CHRNB4: variants seen among roughly 807,000 people sequenced by gnomAD.
CHRNB4 encodes the protein cholinergic receptor nicotinic beta 4 subunit.
CHRNB4 carries 23 observed loss-of-function variants against 40.4 expected under a neutral mutation model. The ratio of observed to expected loss-of-function variants is 0.57; its 90% CI spans 0.41 to 0.81. The LOEUF (loss-of-function observed/expected upper bound fraction) is 0.81, where lower values mean the gene tolerates loss of function less well. Ranked by LOEUF, CHRNB4 falls within the 30% of genes least tolerant of loss-of-function variation. The probability of loss-of-function intolerance (pLI) is 0.00; values close to 1 mark genes in which losing one functional copy is unlikely to be tolerated. For missense variants in CHRNB4, 568 were observed against 670.6 expected (o/e 0.85, Z 1.69); for synonymous variants, 285 against 274.4 (o/e 1.04, Z -0.38).
exon 4 of CHRNB4, chr15:78,656,391 C>G (rs1596126409): frequency 6.7e-6 from 1 of 148,992 alleles, no homozygotes; most frequent in East Asian, 2.0e-4. Context: ...AGTAGGGTGA[C>G]TAGGGTTAAA....
chr15:78,639,146 T>G (rs1286556751), intron 1 of CHRNB4, among the ~76,000 whole-genome samples: 1 of 152,254 alleles, frequency 6.6e-6, no homozygotes, highest in Non-Finnish European at 1.5e-5. Context: ...ATATACCTAT[T>G]GTTTTGGAAT....
chr15:78,643,801 A>G (rs1413191917), upstream of CHRNB4, among the ~76,000 whole-genome samples: 1 of 152,148 alleles, frequency 6.6e-6, no homozygotes, highest in Non-Finnish European at 1.5e-5. Flanking sequence ...AAAAAAGAAA[A>G]AACCTATTAG....
At chr15:78,656,715 T>A (rs935946312) in intron 3 of CHRNB4, 5 of 152,206 alleles carry the variant, frequency 3.3e-5, no homozygotes, top group African/African-American at 1.2e-4. Flanking sequence ...GAATGACTAA[T>A]AAGACTCCAG....
At chr15:78,638,340 T>G (rs1159556957) in intron 1 of CHRNB4, among the ~76,000 whole-genome samples, 1 of 152,144 alleles carries the variant, frequency 6.6e-6, no homozygotes, top group Non-Finnish European at 1.5e-5. Context: ...GAGTTAGAGG[T>G]TCCCAGAACT....
chr15:78,630,044 C>A, intron 4 of CHRNB4, 99 bp from the exon 5 acceptor site: 2 of 1,322,328 alleles, frequency 1.5e-6, no homozygotes. Context: ...TTATTTCCCA[C>A]TAATCACCCT....
At chr15:78,633,279 C>A (rs2053873632) in intron 2 of CHRNB4, among the ~76,000 whole-genome samples, 1 of 152,168 alleles carries the variant, frequency 6.6e-6, no homozygotes, top group Admixed American at 6.5e-5. Flanking sequence ...AACAGTGATC[C>A]AGAGTAACAC....
At position 78,629,847 on chromosome 15, in the gene CHRNB4, C is replaced by T. The variant is rs1385237416; in HGVS notation, c.458G>A (p.Cys153Tyr). The T allele has an allele frequency of 2.5e-6, 4 of 1,614,072 alleles. No homozygotes were observed. Among genetic ancestry groups the T allele is most frequent in the Non-Finnish European group, 3.4e-6 (4 of 1,180,020 alleles). Residue 153 changes from cysteine to tyrosine, a missense_variant, in exon 5 of 6, where the codon TGC (cysteine) becomes TAC (tyrosine). This residue lies in a region of CHRNB4 where 127 missense variants were observed against 167.4 expected (regional missense o/e 0.76). Transcript: ENST00000261751. This position sits in a 1 kb window ranked among gnomAD's most constrained non-coding sequence, Gnocchi z 6.8. ...GGGAAAGTACTTCACCTCAATCTTG[C>T]AGGCGCTCTTGTAGATGGCAGGGGG... Reference protein sequence around the residue: ...WLPPAIYKSACKIEVKYFPFD... With the variant: ...WLPPAIYKSAYKIEVKYFPFD...
upstream of CHRNB4, among the ~76,000 whole-genome samples, chr15:78,644,154 C>G (rs1243481221): frequency 2.0e-5 from 3 of 149,678 alleles, no homozygotes; most frequent in Non-Finnish European, 4.4e-5. Flanking sequence ...CAGAGCGAGA[C>G]TCTGTCTCAA....
intron 1 of CHRNB4, among the ~76,000 whole-genome samples, chr15:78,640,107 T>C (rs375955297): frequency 6.6e-6 from 1 of 152,330 alleles, no homozygotes; most frequent in African/African-American, 2.4e-5. Flanking sequence ...ACACTCACAG[T>C]TTAGAATTCC....
At chr15:78,641,300 G>A (rs565357267), upstream of CHRNB4, 13 of 565,848 alleles carry the variant, frequency 2.3e-5, no homozygotes, top group Admixed American at 8.5e-5. Flanking sequence ...CCCACTCAGG[G>A]ATGTACTGGG....
intron 1 of CHRNB4, among the ~76,000 whole-genome samples, chr15:78,640,514 G>T (rs2054046935): frequency 6.6e-6 from 1 of 152,354 alleles, no homozygotes; most frequent in East Asian, 1.9e-4. Context: ...ACATTCCAGG[G>T]CTGCTGATTT....
chr15:78,658,655 A>G (rs890462864), intron 1 of CHRNB4, among the ~76,000 whole-genome samples: 2 of 152,182 alleles, frequency 1.3e-5, no homozygotes, highest in Non-Finnish European at 2.9e-5. Context: ...CTTCTTTCCA[A>G]CTAATAGTTC....
chr15:78,657,062 T>C (rs2141412648), intron 3 of CHRNB4, among the ~76,000 whole-genome samples: 2 of 152,016 alleles, frequency 1.3e-5, no homozygotes, highest in East Asian at 3.9e-4. Context: ...ACAGTTTCTG[T>C]CACCCAGGCT....
chr15:78,628,606 G>A (rs576874526), intron 5 of CHRNB4, among the ~76,000 whole-genome samples: 1 of 152,252 alleles, frequency 6.6e-6, no homozygotes, highest in East Asian at 1.9e-4. Context: ...AGGGTACTGA[G>A]TCCCGGGTAC....
At chr15:78,637,492 C>G (rs11072770) in intron 1 of CHRNB4, among the ~76,000 whole-genome samples, 16 of 150,592 alleles carry the variant, frequency 1.1e-4, no homozygotes, top group East Asian at 4.0e-4. Context: ...TAAGAGGGGC[C>G]GGAGAGGTGG....
intron 1 of CHRNB4, among the ~76,000 whole-genome samples, chr15:78,659,812 A>G (rs2054238391): frequency 6.6e-6 from 1 of 152,226 alleles, no homozygotes; most frequent in African/African-American, 2.4e-5. Context: ...GTGATGTGAC[A>G]TGATTGCTTT....
intron 2 of CHRNB4, among the ~76,000 whole-genome samples, chr15:78,633,880 G>A (rs1376630673): frequency 4.0e-5 from 6 of 151,542 alleles, no homozygotes; most frequent in Non-Finnish European, 5.9e-5. Flanking sequence ...AAACAGTGCT[G>A]GGGCAGGGGA....
chr15:78,626,763 T>C (rs1473909217), intron 5 of CHRNB4: 1 of 152,216 alleles, frequency 6.6e-6, no homozygotes, highest in Non-Finnish European at 1.5e-5. Context: ...TTAGCAGTAA[T>C]GTATGTCAGC....
Position 78,631,177 on chromosome 15 carries a change from A to T in CHRNB4, c.258T>A (p.Thr86=), listed in dbSNP as rs2053800473. ...TTNVWLKQEW[T]DYRLTWNSSR... is the part of the protein sequence containing the mutation. ...AGCTGTTCCAGGTCAGGCGGTAATC[A>T]GTCCATTCCTGGACAGACAGGCAAG... is the stretch of plus-strand genomic sequence containing the variant. The change falls in exon 4 of 6, where the codon ACT becomes ACA. Residue 86 remains threonine, a synonymous_variant. Transcript: ENST00000261751. 1 of 1,614,016 alleles carries T rather than the reference A, an allele frequency of 6.2e-7. No individual in the cohort carries two copies. Among genetic ancestry groups the T allele is most frequent in the Non-Finnish European group, 8.5e-7 (1 of 1,179,934 alleles).
Sources: allele counts gnomAD v4.1 joint callset (sites outside exome capture counted in the v4.1 genomes callset), GRCh38; gene constraint gnomAD v4.1.1; regional missense constraint gnomAD v4.1.1; non-coding constraint Gnocchi (gnomAD v3.1); transcripts MANE v1.5; gene names NCBI Gene and HGNC (gene_info 2026-07-23, HGNC 2026-07-21).